The following BORCS8 variants were observed in gnomAD, a reference collection of about 807,000 sequenced individuals.
The protein encoded by BORCS8 is BLOC-1 related complex subunit 8.
A neutral mutation model predicts 18.7 loss-of-function variants in BORCS8; 13 were observed. The observed-to-expected ratio is 0.70, with a 90% CI of 0.45 to 1.11. The LOEUF (loss-of-function observed/expected upper bound fraction) is 1.11. BORCS8 is among the 50% of genes least tolerant of loss of function. BORCS8 has a pLI of 0.00. For missense variants in BORCS8, 165 were observed against 165.7 expected (o/e 1.00, Z 0.02); for synonymous variants, 68 against 64.8 (o/e 1.05, Z -0.24).
At chr19:19,178,078 G>A (rs544459743) in intron 5 of BORCS8, 2 of 152,536 alleles carry the variant, frequency 1.3e-5, no homozygotes. Context: ...TGTATTTGGG[G>A]GTGAGACCTG....
intron 3 of BORCS8, 59 bp downstream of exon 3, chr19:19,185,975 T>A: frequency 6.6e-7 from 1 of 1,515,904 alleles, no homozygotes; most frequent in Non-Finnish European, 8.9e-7. Flanking sequence ...TGCCCCTGAA[T>A]GCCCAGGAGG....
rs986159060 is a variant in BORCS8, at chr19:19,177,171, G to A, written c.*332C>T. 2 of 152,202 alleles carry A rather than the reference G, an allele frequency of 1.3e-5. No homozygotes were observed. The highest frequency in any genetic ancestry group is 4.8e-5 in the African/African-American group (2 of 41,438). The allele number at this position is 152,202 out of a possible 1,614,324, so 9.4% of individuals were successfully genotyped here. A position where few individuals can be genotyped will look rare whatever the true frequency, so the allele number is the denominator to read the frequency against. On this transcript the variant is annotated 3_prime_UTR_variant, in exon 6 of 6. Coordinates refer to ENST00000462790, the MANE Select transcript of BORCS8 (RefSeq NM_001145784.2). ...GGGAGCTCTGATTGGCCAGGCCGAG[G>A]TGCCACATCCACCACTGGAACTAGG... is the stretch of plus-strand genomic sequence containing the variant.
chr19:19,183,883 T>C (rs2060378304), intron 3 of BORCS8, among the ~76,000 whole-genome samples: 1 of 151,590 alleles, frequency 6.6e-6, no homozygotes. Context: ...TTTTGTAATT[T>C]TTTTTTAATT....
At chr19:19,188,713 G>A (rs975651653) in intron 1 of BORCS8, among the ~76,000 whole-genome samples, 2 of 152,104 alleles carry the variant, frequency 1.3e-5, no homozygotes, top group African/African-American at 4.8e-5. Flanking sequence ...CTGGGCTCCT[G>A]TGCAGGCCCA....
chr19:19,185,426 C>G (rs979922418), intron 3 of BORCS8, among the ~76,000 whole-genome samples: 1 of 152,234 alleles, frequency 6.6e-6, no homozygotes, highest in Non-Finnish European at 1.5e-5. Context: ...TGGCTCGCAT[C>G]TGTAATCTGA....
Position 19,182,888 on chromosome 19 carries a change from A to T in BORCS8, c.216-205T>A, listed in dbSNP as rs1194873303. Among the ~76,000 whole-genome samples, 1 of 152,192 alleles carries T rather than the reference A, an allele frequency of 6.6e-6. No individual in the cohort carries two copies. The highest frequency in any genetic ancestry group is 1.9e-4 in the East Asian group (1 of 5,196). ...CAACACAGCACATTCTCTGCCACTGAAACATCTAATGTTTTGAAGGAGGGA... is the reference window on the plus strand; with the variant it reads ...CAACACAGCACATTCTCTGCCACTGTAACATCTAATGTTTTGAAGGAGGGA... On this transcript the variant is annotated intron_variant, in intron 3 of 5. Coordinates refer to ENST00000462790, the MANE Select transcript of BORCS8 (RefSeq NM_001145784.2). This position sits in a 1 kb window ranked among gnomAD's most constrained non-coding sequence, Gnocchi z 4.1.
chr19:19,181,763 A>T, intron 4 of BORCS8: 1 of 704,572 alleles, frequency 1.4e-6, no homozygotes, highest in South Asian at 6.4e-5. Flanking sequence ...CGTCTTAGTT[A>T]AGCAACACAG....
chr19:19,183,560 A>G (rs1160551198), intron 3 of BORCS8, among the ~76,000 whole-genome samples: 1 of 151,536 alleles, frequency 6.6e-6, no homozygotes, highest in Non-Finnish European at 1.5e-5. Flanking sequence ...GGCTAGCGGG[A>G]CTTGGGAGCT....
At chr19:19,187,051 G>C (rs775188760) in intron 1 of BORCS8, 46 bp from the exon 2 acceptor site, 1 of 1,424,962 alleles carries the variant, frequency 7.0e-7, no homozygotes. Context: ...GAGACAAAGC[G>C]TCAGCCTCCT....
intron 5 of BORCS8, chr19:19,178,810 A>G (rs1195850535): frequency 6.6e-6 from 1 of 152,028 alleles, no homozygotes; most frequent in Non-Finnish European, 1.5e-5. Flanking sequence ...AAATACAAAA[A>G]TTAGCCGGGC....
chr19:19,188,627 C>T (rs980108534), intron 1 of BORCS8, among the ~76,000 whole-genome samples: 1 of 152,178 alleles, frequency 6.6e-6, no homozygotes, highest in East Asian at 1.9e-4. Flanking sequence ...AGGGCCTCAG[C>T]TGCCACTCAC....
Position 19,191,593 on chromosome 19 carries a change from T to A in BORCS8, c.37+488A>T, listed in dbSNP as rs574133920. Among the ~76,000 whole-genome samples, 448 of 151,936 alleles carry A rather than the reference T, an allele frequency of 2.9e-3. 1 individual carries two copies. Among genetic ancestry groups the A allele is most frequent in the African/African-American group, 0.01 (429 of 41,456 alleles). On this transcript the variant is annotated intron_variant, in intron 1 of 5. Coordinates refer to ENST00000462790, the MANE Select transcript of BORCS8 (RefSeq NM_001145784.2). ...ATCAGGTTGTTGAGTTTTTTTTTTT[T>A]AGACAGGGTCTCACTTGTCACCCAG...
intron 2 of BORCS8, among the ~76,000 whole-genome samples, chr19:19,186,549 C>T (rs2060411153): frequency 1.3e-5 from 2 of 152,266 alleles, no homozygotes; most frequent in Admixed American, 1.3e-4. Flanking sequence ...TAATAAGGGG[C>T]CTCCCCCTTC....
intron 5 of BORCS8, chr19:19,177,696 G>GGAAGGAAGGAAGGAAGGA: frequency 1.3e-5 from 1 of 74,676 alleles, no homozygotes; most frequent in African/African-American, 5.1e-5. Context: ...AAGGAAGGAA[G>GGAAGGAAGGAAGGAAGGA]AGAAAAGAAA....
intron 1 of BORCS8, among the ~76,000 whole-genome samples, chr19:19,191,262 G>T (rs909158933): frequency 6.6e-6 from 1 of 152,084 alleles, no homozygotes; most frequent in East Asian, 1.9e-4. Flanking sequence ...GGCTGAGGTT[G>T]CAGTGAGCTG....
intron 3 of BORCS8, among the ~76,000 whole-genome samples, chr19:19,184,383 G>C (rs1270392505): frequency 7.1e-6 from 1 of 139,984 alleles, no homozygotes; most frequent in Non-Finnish European, 1.5e-5. Flanking sequence ...TCGGCTCACT[G>C]CAAGCTCCAC....
At chr19:19,187,101 A>T (rs2060417089) in intron 1 of BORCS8, 96 bp from the exon 2 acceptor site, 1 of 905,334 alleles carries the variant, frequency 1.1e-6, no homozygotes, top group Non-Finnish European at 1.7e-6. Context: ...CAAAGGGGGC[A>T]TCTGGCGTGT....
At position 19,177,092 on chromosome 19, in the gene BORCS8, T is replaced by G. The variant is rs1050544; in HGVS notation, c.*411A>C. On this transcript the variant is annotated 3_prime_UTR_variant, in exon 6 of 6. Coordinates refer to ENST00000462790, the MANE Select transcript of BORCS8 (RefSeq NM_001145784.2). ...CTCCTGGTAGAACTCCCAGGAAAGG[T>G]CGCTCATTGGGTCACGTGTCCATCT... 1 of 151,762 alleles carries G rather than the reference T, an allele frequency of 6.6e-6. No individual in the cohort carries two copies. Among genetic ancestry groups the G allele is most frequent in the African/African-American group, 2.4e-5 (1 of 41,274 alleles). The allele number at this position is 151,762 out of a possible 1,614,324, so 9.4% of individuals were successfully genotyped here. A position where few individuals can be genotyped will look rare whatever the true frequency, so the allele number is the denominator to read the frequency against.
chr19:19,192,063 C>T lies in BORCS8; in HGVS notation c.37+18G>A, dbSNP rs1395021638. On this transcript the variant is annotated intron_variant, in intron 1 of 5. Coordinates refer to ENST00000462790, the MANE Select transcript of BORCS8 (RefSeq NM_001145784.2). Reference sequence around the variant, plus strand: ...CAAGTTACCGGCCCCCTCTGTCCCGCCCGCAGGCCCGCACCACCTTTCTTC... The same window carrying T: ...CAAGTTACCGGCCCCCTCTGTCCCGTCCGCAGGCCCGCACCACCTTTCTTC... The T allele has an allele frequency of 1.3e-6, 2 of 1,551,234 alleles. No individual in the cohort carries two copies. The highest frequency in any genetic ancestry group is 2.0e-5 in the Admixed American group (1 of 50,978).
Sources: allele counts gnomAD v4.1 joint callset (sites outside exome capture counted in the v4.1 genomes callset), GRCh38; gene constraint gnomAD v4.1.1; non-coding constraint Gnocchi (gnomAD v3.1); transcripts MANE v1.5; gene names NCBI Gene and HGNC (gene_info 2026-07-23, HGNC 2026-07-21).